ATP8A2: variants seen among roughly 807,000 people sequenced by gnomAD.
ATP8A2 encodes the protein ATPase phospholipid transporting 8A2, also known as phospholipid-transporting ATPase IB.
ATP8A2 carries 100 observed loss-of-function variants against 165.6 expected under a neutral mutation model. The observed-to-expected ratio is 0.60, with a 90% CI of 0.51 to 0.71. The LOEUF (loss-of-function observed/expected upper bound fraction) is 0.71. Among genes scored for constraint, ATP8A2 ranks in the 30% least tolerant of loss-of-function variants. The pLI is 0.00. For synonymous variants in ATP8A2, 543 were observed against 548.8 expected (o/e 0.99, Z 0.15); for missense variants, 1,227 against 1,479.5 (o/e 0.83, Z 2.80).
Position 25,837,200 on chromosome 13 carries a change from T to C in ATP8A2, c.2792T>C (p.Phe931Ser). ...TTGCCGCCCTTCACTCTGGGAATCT[T>C]TGAGAGGTCTTGCACTCAGGAGAGC... ...TALPPFTLGI[F>S]ERSCTQESML... Residue 931 changes from phenylalanine (F) to serine (S), a missense_variant, in exon 29 of 37, where the codon TTT becomes TCT. This residue lies in a region of ATP8A2 where 592 missense variants were observed against 785.6 expected (regional missense o/e 0.75). Transcript: ENST00000381655. 1 of 1,614,026 alleles carries C rather than the reference T, an allele frequency of 6.2e-7. No homozygotes were observed.
intron 33 of ATP8A2, among the ~76,000 whole-genome samples, chr13:25,957,161 TA>T (rs1234824381): frequency 6.6e-6 from 1 of 152,154 alleles, no homozygotes; most frequent in Non-Finnish European, 1.5e-5. Flanking sequence ...CCTAAAATCA[TA>T]AAAACCCTAG....
intron 1 of ATP8A2, among the ~76,000 whole-genome samples, chr13:25,440,118 G>C (rs2034891647): frequency 6.6e-6 from 1 of 150,424 alleles, no homozygotes; most frequent in Non-Finnish European, 1.5e-5. Context: ...TCTGCATGAA[G>C]ATGCAGGTCA....
chr13:25,716,165 A>C (rs2043250690), intron 25 of ATP8A2, among the ~76,000 whole-genome samples: 2 of 152,192 alleles, frequency 1.3e-5, no homozygotes, highest in African/African-American at 4.8e-5. Flanking sequence ...GCCCGTTTTT[A>C]AATTGGGTTG....
chr13:25,489,109 T>A (rs889816420), intron 2 of ATP8A2, among the ~76,000 whole-genome samples: 3 of 151,970 alleles, frequency 2.0e-5, no homozygotes, highest in Non-Finnish European at 2.9e-5. Context: ...GAGTTTCCCT[T>A]TCACCTTCCC....
rs561702601 is a variant in ATP8A2, at chr13:25,400,154, G to A, written c.76+27866G>A. On this transcript the variant is annotated intron_variant, in intron 1 of 36. Coordinates refer to ENST00000381655, the MANE Select transcript of ATP8A2 (RefSeq NM_016529.6). ...CCCAGGATAGTGTGTGAACTCCTGG[G>A]CTCAAGAGATCCTCCCACATCAGCC... Among the ~76,000 whole-genome samples, 156 of 152,166 alleles carry A rather than the reference G, an allele frequency of 1.0e-3. 1 individual carries two copies. The highest frequency in any genetic ancestry group is 3.5e-3 in the African/African-American group (146 of 41,514).
At chr13:25,950,747 GAGA>G (rs974334303) in intron 33 of ATP8A2, 12 of 152,344 alleles carry the variant, frequency 7.9e-5, no homozygotes, top group African/African-American at 2.9e-4. Context: ...AGTGGGGAAA[GAGA>G]AGAAGGGGCA....
chr13:25,466,203 T>C (rs138143024), intron 1 of ATP8A2, among the ~76,000 whole-genome samples: 1 of 152,264 alleles, frequency 6.6e-6, no homozygotes, highest in East Asian at 1.9e-4. Context: ...CAGGCTATTT[T>C]TTTTGGTGAA....
chr13:25,482,311 A>G (rs1348249688), intron 2 of ATP8A2, among the ~76,000 whole-genome samples: 1 of 152,152 alleles, frequency 6.6e-6, no homozygotes, highest in Non-Finnish European at 1.5e-5. Context: ...ATAATCCTAC[A>G]TTTGGTATAT....
chr13:25,652,637 G>A (rs1245206023), intron 24 of ATP8A2, among the ~76,000 whole-genome samples: 1 of 152,114 alleles, frequency 6.6e-6, no homozygotes, highest in Admixed American at 6.6e-5. Context: ...AATTTCTTCT[G>A]TGTGTAAACT....
intron 1 of ATP8A2, among the ~76,000 whole-genome samples, chr13:25,436,708 A>AT (rs1198702804): frequency 6.6e-6 from 1 of 151,940 alleles, no homozygotes; most frequent in Non-Finnish European, 1.5e-5. Flanking sequence ...GGCTGAACTA[A>AT]TTTACATTCC....
At chr13:25,899,899 A>G (rs890583852) in intron 33 of ATP8A2, among the ~76,000 whole-genome samples, 1 of 152,172 alleles carries the variant, frequency 6.6e-6, no homozygotes, top group African/African-American at 2.4e-5. Flanking sequence ...TAGGTGGTAC[A>G]GGGGAAAGAG....
chr13:25,454,149 T>C (rs143521084), intron 1 of ATP8A2, among the ~76,000 whole-genome samples: 435 of 152,288 alleles, frequency 2.9e-3, no homozygotes, highest in South Asian at 0.012. Context: ...AGGGGCGAAC[T>C]GCGTGGTCTC....
At chr13:25,435,932 AGTGTGTGTGTGTGTGT>A (rs781137300) in intron 1 of ATP8A2, among the ~76,000 whole-genome samples, 1 of 75,782 alleles carries the variant, frequency 1.3e-5, no homozygotes, top group African/African-American at 4.2e-5. Flanking sequence ...TGTGTGTGTG[AGTGTGTGTGTGTGTGT>A]GTGAGTGTGT....
chr13:25,568,004 A>G (rs1353780215), intron 16 of ATP8A2, among the ~76,000 whole-genome samples: 2 of 152,242 alleles, frequency 1.3e-5, no homozygotes, highest in Admixed American at 1.3e-4. Flanking sequence ...TCTTGGGACT[A>G]TTGACTAAAA....
At chr13:25,864,154 A>G (rs191078285) in intron 33 of ATP8A2, among the ~76,000 whole-genome samples, 2 of 152,232 alleles carry the variant, frequency 1.3e-5, no homozygotes, top group East Asian at 1.9e-4. Context: ...TGTGATGAAT[A>G]TTTCATTTGG....
At chr13:25,552,992 C>A (rs2038869610) in intron 11 of ATP8A2, among the ~76,000 whole-genome samples, 3 of 152,032 alleles carry the variant, frequency 2.0e-5, no homozygotes, top group Non-Finnish European at 2.9e-5. Context: ...TATCAGTCTC[C>A]CTCCAATCCC....
intron 27 of ATP8A2, among the ~76,000 whole-genome samples, chr13:25,804,458 T>G (rs1402444107): frequency 6.6e-6 from 1 of 152,352 alleles, no homozygotes; most frequent in Non-Finnish European, 1.5e-5. Context: ...CAATTTTATA[T>G]AATGAGTTTT....
At chr13:25,381,058 TTGAACC>T (rs1398702972) in intron 1 of ATP8A2, among the ~76,000 whole-genome samples, 1 of 152,232 alleles carries the variant, frequency 6.6e-6, no homozygotes, top group African/African-American at 2.4e-5. Context: ...TTATATTTCT[TTGAACC>T]TAATCTCTAA....
At chr13:25,827,176 C>G (rs1951343040) in intron 27 of ATP8A2, among the ~76,000 whole-genome samples, 1 of 152,144 alleles carries the variant, frequency 6.6e-6, no homozygotes, top group African/African-American at 2.4e-5. Context: ...GTGGCACTAT[C>G]TTGGCTCACT....
Sources: allele counts gnomAD v4.1 joint callset (sites outside exome capture counted in the v4.1 genomes callset), GRCh38; gene constraint gnomAD v4.1.1; regional missense constraint gnomAD v4.1.1; transcripts MANE v1.5; gene names NCBI Gene and HGNC (gene_info 2026-07-23, HGNC 2026-07-21).